Variants in ADGRL3 observed in about 807,000 individuals in gnomAD.
The protein encoded by ADGRL3 is calcium-independent alpha-latrotoxin receptor 3.
Under a neutral mutation model 153.5 loss-of-function variants are expected in ADGRL3, and 62 were observed. That is an observed-to-expected ratio of 0.40 (90% confidence interval 0.33 to 0.50). ADGRL3 has a LOEUF of 0.50. ADGRL3 is among the 20% of genes least tolerant of loss of function. The pLI is 0.47. For synonymous variants in ADGRL3, 710 were observed against 672.5 expected (o/e 1.06, Z -0.86); for missense variants, 1,641 against 1,859.4 (o/e 0.88, Z 2.16).
chr4:61,309,109 G>A (rs940410806), intron 1 of ADGRL3, among the ~76,000 whole-genome samples: 14 of 152,156 alleles, frequency 9.2e-5, no homozygotes, highest in African/African-American at 3.4e-4. Flanking sequence ...AAAATATAAA[G>A]TTTTAAATGT....
In ADGRL3 at chr4:61,219,373, G is replaced by A. The variant is rs114997305; in HGVS notation, c.-240+17608G>A. Among the ~76,000 whole-genome samples the A allele has an allele frequency of 7.7e-3, 1,175 of 152,220 alleles. 15 individuals carry two copies. The highest frequency in any genetic ancestry group is 0.026 in the African/African-American group (1,074 of 41,538). ...AAGCCATTCTCTGAAGACCTGTAAC[G>A]TAACTAGAATTTTTAATATGTTTGT... is the stretch of plus-strand genomic sequence containing the variant. On this transcript the variant is annotated intron_variant, in intron 1 of 26. Transcript: ENST00000683033.
At chr4:61,576,580 A>T (rs2098885237) in intron 4 of ADGRL3, among the ~76,000 whole-genome samples, 1 of 147,386 alleles carries the variant, frequency 6.8e-6, no homozygotes, top group Admixed American at 7.0e-5. Flanking sequence ...GGGAATTTAC[A>T]TTTAGCATCT....
Position 61,371,072 on chromosome 4 carries a change from C to G in ADGRL3, c.-239-12052C>G, listed in dbSNP as rs578174644. 6.0e-3 allele frequency among the ~76,000 whole-genome samples: 895 copies of G among 149,132 alleles called. 6 individuals carry two copies. The highest frequency in any genetic ancestry group is 0.02 in the African/African-American group (817 of 40,590). On this transcript the variant is annotated intron_variant, in intron 1 of 26. Transcript: ENST00000683033. ...TGCAACCCCTGCCTTTTTTTGTTTT[C>G]CATTTGCTTGGTAGATCTTCCTCCA... is the stretch of plus-strand genomic sequence containing the variant.
intron 1 of ADGRL3, among the ~76,000 whole-genome samples, chr4:61,368,089 G>GT (rs1291556833): frequency 1.3e-5 from 2 of 151,476 alleles, no homozygotes; most frequent in Admixed American, 6.6e-5. Flanking sequence ...GGGGTTGTTT[G>GT]TTTTTTTCTG....
intron 1 of ADGRL3, among the ~76,000 whole-genome samples, chr4:61,283,385 T>C (rs1043149599): frequency 6.6e-6 from 1 of 152,060 alleles, no homozygotes; most frequent in Non-Finnish European, 1.5e-5. Context: ...TTCAGGGAGC[T>C]TTCTCAACTG....
intron 17 of ADGRL3, among the ~76,000 whole-genome samples, chr4:61,955,871 C>A (rs187460520): frequency 6.9e-4 from 105 of 152,212 alleles, no homozygotes; most frequent in African/African-American, 2.2e-3. Context: ...TGACCTCATT[C>A]CTTTTTATGG....
At chr4:61,881,567 G>A (rs531533481) in intron 9 of ADGRL3, among the ~76,000 whole-genome samples, 1 of 152,200 alleles carries the variant, frequency 6.6e-6, no homozygotes, top group African/African-American at 2.4e-5. Flanking sequence ...TAGTAGAGAC[G>A]GGGTTTCCCC....
At chr4:61,490,245 G>T (rs2152776408) in intron 2 of ADGRL3, among the ~76,000 whole-genome samples, 1 of 151,854 alleles carries the variant, frequency 6.6e-6, no homozygotes. Context: ...TATCTCCTCG[G>T]TTTTTTTCAA....
intron 5 of ADGRL3, among the ~76,000 whole-genome samples, chr4:61,637,218 T>A (rs1358481434): frequency 6.6e-6 from 1 of 152,134 alleles, no homozygotes; most frequent in Admixed American, 6.6e-5. Flanking sequence ...TAGAGTGGAC[T>A]TCAAATCCAA....
intron 2 of ADGRL3, among the ~76,000 whole-genome samples, chr4:61,418,481 C>A (rs2097168870): frequency 7.0e-6 from 1 of 143,004 alleles, no homozygotes; most frequent in African/African-American, 2.8e-5. Context: ...ATCTTGTGTG[C>A]ATTTCTTCTG....
At chr4:61,533,557 A>C (rs541710237) in intron 4 of ADGRL3, among the ~76,000 whole-genome samples, 5 of 152,328 alleles carry the variant, frequency 3.3e-5, no homozygotes, top group African/African-American at 9.6e-5. Context: ...CCATTGAATA[A>C]AATCTAAATA....
intron 21 of ADGRL3, among the ~76,000 whole-genome samples, chr4:62,018,393 C>T (rs2099223052): frequency 6.6e-6 from 1 of 152,026 alleles, no homozygotes; most frequent in Admixed American, 6.6e-5. Flanking sequence ...TATAAGACTC[C>T]TGGTTCCCAG....
At chr4:61,788,856 G>A (rs894839928) in intron 8 of ADGRL3, among the ~76,000 whole-genome samples, 7 of 152,120 alleles carry the variant, frequency 4.6e-5, no homozygotes, top group African/African-American at 1.7e-4. Flanking sequence ...TCCAAAATAA[G>A]ATTTCAAGAT....
intron 1 of ADGRL3, among the ~76,000 whole-genome samples, chr4:61,362,262 C>G (rs915120382): frequency 2.0e-5 from 3 of 151,162 alleles, no homozygotes; most frequent in African/African-American, 7.3e-5. Context: ...CTCGGCCTCC[C>G]AAAGTGCTGG....
intron 6 of ADGRL3, among the ~76,000 whole-genome samples, chr4:61,706,370 C>T (rs1047215299): frequency 8.7e-5 from 13 of 150,220 alleles, no homozygotes; most frequent in African/African-American, 3.2e-4. Context: ...TGCAGTGAGC[C>T]GAGATTGCGC....
chr4:62,056,050 G>A (rs1185101597), intron 25 of ADGRL3, among the ~76,000 whole-genome samples: 3 of 151,278 alleles, frequency 2.0e-5, no homozygotes, highest in Non-Finnish European at 3.0e-5. Flanking sequence ...TGAGGAAGAG[G>A]ATCTTAAAAA....
At chr4:61,721,080 G>T (rs1421721694) in intron 6 of ADGRL3, among the ~76,000 whole-genome samples, 1 of 152,176 alleles carries the variant, frequency 6.6e-6, no homozygotes, top group Non-Finnish European at 1.5e-5. Context: ...TAACTTAAAT[G>T]TGAATATCAA....
intron 1 of ADGRL3, among the ~76,000 whole-genome samples, chr4:61,356,541 A>G (rs2096174474): frequency 6.6e-6 from 1 of 152,088 alleles, no homozygotes; most frequent in South Asian, 2.1e-4. Flanking sequence ...TCATTTTTGT[A>G]AGCATTTTTT....
chr4:61,429,576 T>G (rs1434182601), intron 2 of ADGRL3, among the ~76,000 whole-genome samples: 1 of 152,122 alleles, frequency 6.6e-6, no homozygotes, highest in African/African-American at 2.4e-5. Context: ...ATTATAGAGT[T>G]TTATCAGTTT....
Sources: allele counts gnomAD v4.1 joint callset (sites outside exome capture counted in the v4.1 genomes callset), GRCh38; gene constraint gnomAD v4.1.1; transcripts MANE v1.5; gene names NCBI Gene and HGNC (gene_info 2026-07-23, HGNC 2026-07-21).